The following KCNQ1OT1 variants were observed in gnomAD, a reference collection of about 807,000 sequenced individuals.
KCNQ1OT1 encodes KCNQ1 antisense RNA 2 (non-protein coding).
exon 1 of KCNQ1OT1, chr11:2,644,979 G>T: frequency 2.5e-6 from 1 of 398,682 alleles, no homozygotes; most frequent in Non-Finnish European, 4.4e-6. Context: ...CCCAATGGTA[G>T]TGTATGCTGG....
In KCNQ1OT1 at chr11:2,662,548, T is replaced by C. The variant is rs1169834253; in HGVS notation, n.37447A>G. ...TGGCTGATTTTCCACGCCTTCCAGT[T>C]GGCCTTCCCCTGAGGCACAGCTGGC... On this transcript the variant is annotated non_coding_transcript_exon_variant, in exon 1 of 1. Transcript: ENST00000597346. 7 of 428,052 alleles carry C rather than the reference T, an allele frequency of 1.6e-5. No individual in the cohort carries two copies. In the East Asian group the frequency reaches 2.3e-4, roughly 14 times the overall value. 26.5% of individuals were successfully genotyped at this position (428,052 alleles called of 1,614,324 possible).
chr11:2,681,819 C>A lies in KCNQ1OT1; in HGVS notation n.18176G>T. 3 of 398,466 alleles carry A rather than the reference C, an allele frequency of 7.5e-6. No individual in the cohort carries two copies. The South Asian group carries it at 3.9e-4, about 51-fold the overall frequency. The allele number at this position is 398,466 out of a possible 1,614,324, so 24.7% of individuals were successfully genotyped here. Reference sequence around the variant, plus strand: ...AGTCCCTGCCTTCTCAGGTTATGGTCATATCATCCATGCTCCCCAAACATC... The same window carrying A: ...AGTCCCTGCCTTCTCAGGTTATGGTAATATCATCCATGCTCCCCAAACATC... On this transcript the variant is annotated non_coding_transcript_exon_variant, in exon 1 of 1. Coordinates refer to ENST00000597346, the Ensembl canonical transcript of KCNQ1OT1.
exon 1 of KCNQ1OT1, chr11:2,614,108 A>C (rs1472816266): frequency 2.5e-6 from 1 of 398,400 alleles, no homozygotes; most frequent in African/African-American, 2.1e-5. Context: ...AGCTATGCTC[A>C]CCATTCTTTG....
At position 2,662,742 on chromosome 11, in the gene KCNQ1OT1, C is replaced by T. The variant is rs79085427; in HGVS notation, n.37253G>A. On this transcript the variant is annotated non_coding_transcript_exon_variant, in exon 1 of 1. Coordinates refer to ENST00000597346, the Ensembl canonical transcript of KCNQ1OT1. ...CACCCAAGTCCATTCTGGCCACAGT[C>T]CCATTCTGGCTGCTAACCCGTTGGG... 3.5e-3 allele frequency: 1,417 copies of T among 399,752 alleles called. 12 individuals carry two copies. The highest frequency in any genetic ancestry group is 0.024 in the South Asian group (193 of 7,914). The allele number at this position is 399,752 out of a possible 1,614,324, so 24.8% of individuals were successfully genotyped here.
At position 2,690,592 on chromosome 11, in the gene KCNQ1OT1, G is replaced by C. The variant is rs1301049412; in HGVS notation, n.9403C>G. The C allele has an allele frequency of 1.0e-5, 4 of 398,588 alleles. No individual in the cohort carries two copies. The highest frequency in any genetic ancestry group is 1.8e-5 in the Non-Finnish European group (4 of 226,118). The allele number at this position is 398,588 out of a possible 1,614,324, so 24.7% of individuals were successfully genotyped here. ...ATGGGACAGAACCCACCTCCTGGCAGGGAGTGGGGCACACATATGTGCATG... is the reference window on the plus strand; with the variant it reads ...ATGGGACAGAACCCACCTCCTGGCACGGAGTGGGGCACACATATGTGCATG... On this transcript the variant is annotated non_coding_transcript_exon_variant, in exon 1 of 1. Transcript: ENST00000597346. The surrounding 1 kb of genome is among the most constrained non-coding windows in gnomAD (Gnocchi z 5.1).
Position 2,634,459 on chromosome 11 carries a change from G to A in KCNQ1OT1, n.65536C>T, listed in dbSNP as rs192400319. ...TTTTTCATTCTTGCTATAGTTTGCT[G>A]AGAATGATGGTTTCCAGCTTCATCC... On this transcript the variant is annotated non_coding_transcript_exon_variant, in exon 1 of 1. Transcript: ENST00000597346. The A allele has an allele frequency of 2.9e-3, 465 of 158,904 alleles. 2 individuals carry two copies. Among genetic ancestry groups the A allele is most frequent in the African/African-American group, 0.01 (431 of 41,774 alleles). 9.8% of individuals were successfully genotyped at this position (158,904 alleles called of 1,614,324 possible).
In KCNQ1OT1 at chr11:2,698,757, T is replaced by A. The variant is rs1850720241; in HGVS notation, n.1238A>T. 2.5e-6 allele frequency: 1 copy of A among 398,448 alleles called. No individual in the cohort carries two copies. Among genetic ancestry groups the A allele is most frequent in the East Asian group, 3.6e-5 (1 of 28,046 alleles). The allele number at this position is 398,448 out of a possible 1,614,324, so 24.7% of individuals were successfully genotyped here. A position where few individuals can be genotyped will look rare whatever the true frequency, so the allele number is the denominator to read the frequency against. On this transcript the variant is annotated non_coding_transcript_exon_variant, in exon 1 of 1. Coordinates refer to ENST00000597346, the Ensembl canonical transcript of KCNQ1OT1. This position sits in a 1 kb window ranked among gnomAD's most constrained non-coding sequence, Gnocchi z 5.1. ...TCCCTTGGATCTCAACTCAGAGCCATGATGCAGACTCCAGACCGGGATTCA... is the reference window on the plus strand; with the variant it reads ...TCCCTTGGATCTCAACTCAGAGCCAAGATGCAGACTCCAGACCGGGATTCA...
At chr11:2,665,823 C>T (rs1034314956) in exon 1 of KCNQ1OT1, 10 of 398,520 alleles carry the variant, frequency 2.5e-5, no homozygotes, top group Non-Finnish European at 4.0e-5. Flanking sequence ...CACATTGTGC[C>T]AGTGCTGAGG....
In KCNQ1OT1 at chr11:2,690,493, C is replaced by CG. The variant is rs532400374; in HGVS notation, n.9501dup. ...CCTGGGAACAGCCACTGGGCCCAGT[C>CG]GGGGGGGTCTCAGCACCTATCACAA... On this transcript the variant is annotated non_coding_transcript_exon_variant, in exon 1 of 1. Transcript: ENST00000597346. This position sits in a 1 kb window ranked among gnomAD's most constrained non-coding sequence, Gnocchi z 5.1. 4.3e-5 allele frequency: 17 copies of CG among 398,336 alleles called. No homozygotes were observed. The highest frequency in any genetic ancestry group is 1.2e-4 in the African/African-American group (6 of 48,564). 24.7% of individuals were successfully genotyped at this position (398,336 alleles called of 1,614,324 possible). A position where few individuals can be genotyped will look rare whatever the true frequency, so the allele number is the denominator to read the frequency against.
In KCNQ1OT1 at chr11:2,627,456, C is replaced by G. The variant is rs1361255550; in HGVS notation, n.72539G>C. ...TTGTACCCTTCAACATTTCCTATTT[C>G]CCCTACTCCCTGACCCCTAGTAACC... On this transcript the variant is annotated non_coding_transcript_exon_variant, in exon 1 of 1. Coordinates refer to ENST00000597346, the Ensembl canonical transcript of KCNQ1OT1. The surrounding 1 kb of genome is among the most constrained non-coding windows in gnomAD (Gnocchi z 4.9). The G allele has an allele frequency of 5.0e-6, 2 of 398,392 alleles. No homozygotes were observed. The allele number at this position is 398,392 out of a possible 1,614,324, so 24.7% of individuals were successfully genotyped here.
chr11:2,630,297 T>A (rs897171164), exon 1 of KCNQ1OT1: 2 of 398,220 alleles, frequency 5.0e-6, no homozygotes, highest in Non-Finnish European at 4.4e-6. Flanking sequence ...TAATGTGCTG[T>A]TAAATTCAGT....
chr11:2,682,623 T>C lies in KCNQ1OT1; in HGVS notation n.17372A>G. Reference sequence around the variant, plus strand: ...GAGTGTAAGGCTTGAGAGCTCTTCTTCAGGCTCAGTCATCCCTGCTTCCCC... The same window carrying C: ...GAGTGTAAGGCTTGAGAGCTCTTCTCCAGGCTCAGTCATCCCTGCTTCCCC... On this transcript the variant is annotated non_coding_transcript_exon_variant, in exon 1 of 1. Coordinates refer to ENST00000597346, the Ensembl canonical transcript of KCNQ1OT1. This position sits in a 1 kb window ranked among gnomAD's most constrained non-coding sequence, Gnocchi z 5.8. 2.5e-6 allele frequency: 1 copy of C among 398,614 alleles called. No individual in the cohort carries two copies. Among genetic ancestry groups the C allele is most frequent in the Non-Finnish European group, 4.4e-6 (1 of 226,070 alleles). 24.7% of individuals were successfully genotyped at this position (398,614 alleles called of 1,614,324 possible).
chr11:2,649,800 G>C, exon 1 of KCNQ1OT1: 1 of 398,330 alleles, frequency 2.5e-6, no homozygotes, highest in Non-Finnish European at 4.4e-6. Context: ...ATCTATTTAG[G>C]GATTTGTGAG....
At position 2,611,277 on chromosome 11, in the gene KCNQ1OT1, T is replaced by A. The variant is rs1437450439; in HGVS notation, n.88718A>T. On this transcript the variant is annotated non_coding_transcript_exon_variant, in exon 1 of 1. Coordinates refer to ENST00000597346, the Ensembl canonical transcript of KCNQ1OT1. This position sits in a 1 kb window ranked among gnomAD's most constrained non-coding sequence, Gnocchi z 5.3. ...CTCTGTTGCCCAGGCTGGAGTGCAGTGGCGTGACCTTGGCTCACTGCAACC... is the reference window on the plus strand; with the variant it reads ...CTCTGTTGCCCAGGCTGGAGTGCAGAGGCGTGACCTTGGCTCACTGCAACC... 1 of 397,512 alleles carries A rather than the reference T, an allele frequency of 2.5e-6. No homozygotes were observed. Among genetic ancestry groups the A allele is most frequent in the East Asian group, 3.6e-5 (1 of 28,068 alleles). The allele number at this position is 397,512 out of a possible 1,614,324, so 24.6% of individuals were successfully genotyped here.
At chr11:2,667,197 C>T (rs1228645307) in exon 1 of KCNQ1OT1, 5 of 398,316 alleles carry the variant, frequency 1.3e-5, no homozygotes, top group African/African-American at 8.2e-5. Flanking sequence ...GCTGTGGCGG[C>T]CCCCCGTGGC....
chr11:2,668,036 T>C lies in KCNQ1OT1; in HGVS notation n.31959A>G, dbSNP rs1850115002. The C allele has an allele frequency of 5.0e-6, 2 of 398,486 alleles. No homozygotes were observed. The highest frequency in any genetic ancestry group is 2.5e-4 in the South Asian group (2 of 7,854). 24.7% of individuals were successfully genotyped at this position (398,486 alleles called of 1,614,324 possible). A position where few individuals can be genotyped will look rare whatever the true frequency, so the allele number is the denominator to read the frequency against. On this transcript the variant is annotated non_coding_transcript_exon_variant, in exon 1 of 1. Transcript: ENST00000597346. This position sits in a 1 kb window ranked among gnomAD's most constrained non-coding sequence, Gnocchi z 4.3. ...CTAACTGCTAGCAGCAAGGACCAGC[T>C]TTGCCCACATTTGAACTTTATGCGG...
At position 2,652,660 on chromosome 11, in the gene KCNQ1OT1, G is replaced by A. The variant is rs1356689548; in HGVS notation, n.47335C>T. The stretch of plus-strand genomic sequence containing the variant: ...GTGACTTCCTGCAGCATGGAGACCC[G>A]GGTGGGTCGATTTTAGTTGTGTGGG... On this transcript the variant is annotated non_coding_transcript_exon_variant, in exon 1 of 1. Coordinates refer to ENST00000597346, the Ensembl canonical transcript of KCNQ1OT1. The surrounding 1 kb of genome is among the most constrained non-coding windows in gnomAD (Gnocchi z 5.9). 7.5e-6 allele frequency: 3 copies of A among 398,748 alleles called. No homozygotes were observed. The highest frequency in any genetic ancestry group is 1.3e-4 in the South Asian group (1 of 7,854). The allele number at this position is 398,748 out of a possible 1,614,324, so 24.7% of individuals were successfully genotyped here.
At position 2,611,862 on chromosome 11, in the gene KCNQ1OT1, T is replaced by C. The variant is rs999469232; in HGVS notation, n.88133A>G. The C allele has an allele frequency of 2.8e-5, 11 of 398,376 alleles. No homozygotes were observed. Among genetic ancestry groups the C allele is most frequent in the Non-Finnish European group, 4.9e-5 (11 of 226,026 alleles). 24.7% of individuals were successfully genotyped at this position (398,376 alleles called of 1,614,324 possible). On this transcript the variant is annotated non_coding_transcript_exon_variant, in exon 1 of 1. Transcript: ENST00000597346. This position sits in a 1 kb window ranked among gnomAD's most constrained non-coding sequence, Gnocchi z 5.3. ...TACCATTCTAATTCCTTTGTTAGTT[T>C]ATTTCCCCCATTTTTAAAGTGTAAT...
rs1850426606 is a variant in KCNQ1OT1, at chr11:2,683,138, G to T, written n.16857C>A. On this transcript the variant is annotated non_coding_transcript_exon_variant, in exon 1 of 1. Coordinates refer to ENST00000597346, the Ensembl canonical transcript of KCNQ1OT1. The surrounding 1 kb of genome is among the most constrained non-coding windows in gnomAD (Gnocchi z 4.7). Reference sequence around the variant, plus strand: ...TCGCACCAACTCAGGAGGGTGTGGGGATGGGCTAGCATTAGGAATGGGTAT... The same window carrying T: ...TCGCACCAACTCAGGAGGGTGTGGGTATGGGCTAGCATTAGGAATGGGTAT... 4 of 398,448 alleles carry T rather than the reference G, an allele frequency of 1.0e-5. No homozygotes were observed. In the South Asian group the frequency reaches 5.1e-4, roughly 51 times the overall value. 24.7% of individuals were successfully genotyped at this position (398,448 alleles called of 1,614,324 possible).
Sources: gnomAD v4.1 joint callset for allele counts on GRCh38, gnomAD v4.1.1 for gene constraint, Gnocchi (gnomAD v3.1) non-coding constraint, MANE v1.5 for transcripts, NCBI Gene and HGNC (gene_info 2026-07-23, HGNC 2026-07-21) for gene names.